FHOD3: variants seen among roughly 807,000 people sequenced by gnomAD.
FHOD3 encodes formin homology 2 domain containing 3.
A neutral mutation model predicts 173.0 loss-of-function variants in FHOD3; 90 were observed. The ratio of observed to expected loss-of-function variants is 0.52; its 90% CI spans 0.44 to 0.62. The LOEUF (loss-of-function observed/expected upper bound fraction) is 0.62. Ranked by LOEUF, FHOD3 falls within the 20% of genes least tolerant of loss-of-function variation. FHOD3 has a pLI of 0.00. For synonymous variants in FHOD3, 828 were observed against 823.0 expected (o/e 1.01, Z -0.10); for missense variants, 1,945 against 2,034.7 (o/e 0.96, Z 0.85).
chr18:36,392,890 A>G (rs1240097286), intron 3 of FHOD3, among the ~76,000 whole-genome samples: 1 of 152,242 alleles, frequency 6.6e-6, no homozygotes, highest in Admixed American at 6.5e-5. Flanking sequence ...AATTAGGATA[A>G]TGGACTGAGA....
chr18:36,428,756 T>C (rs1193184774), intron 3 of FHOD3, among the ~76,000 whole-genome samples: 3 of 152,208 alleles, frequency 2.0e-5, no homozygotes, highest in Admixed American at 2.0e-4. Flanking sequence ...GGACCATCAC[T>C]GACTATTTTT....
chr18:36,687,035 A>T, intron 15 of FHOD3, 93 bp from the exon 16 acceptor site: 1 of 924,818 alleles, frequency 1.1e-6, no homozygotes, highest in Non-Finnish European at 1.6e-6. Flanking sequence ...CCAGTCTTTC[A>T]TGATATACTG....
intron 5 of FHOD3, among the ~76,000 whole-genome samples, chr18:36,526,075 G>C (rs962393926): frequency 6.6e-6 from 1 of 152,220 alleles, no homozygotes; most frequent in African/African-American, 2.4e-5. Flanking sequence ...TCTTATCTCA[G>C]TGTTCTTTGC....
chr18:36,339,542 AGCAGGT>A (rs1451264944), intron 1 of FHOD3, among the ~76,000 whole-genome samples: 1 of 152,188 alleles, frequency 6.6e-6, no homozygotes, highest in Non-Finnish European at 1.5e-5. Context: ...GGGACAGTGG[AGCAGGT>A]GCTAGGGGCT....
Position 36,743,742 on chromosome 18 carries a change from AG to A in FHOD3, c.3880-289del, listed in dbSNP as rs1354994123. ...TAGACAACAACAGGCAAAGGGAGGA[AG>A]AAGTAGATAGGCAGATGTCAGAGCC... On this transcript the variant is annotated intron_variant, in intron 22 of 28. Coordinates refer to ENST00000590592, the MANE Select transcript of FHOD3 (RefSeq NM_001281740.3). 4.6e-5 allele frequency among the ~76,000 whole-genome samples: 7 copies of A among 152,332 alleles called. No individual in the cohort carries two copies. The East Asian group carries it at 1.4e-3, about 29-fold the overall frequency.
chr18:36,553,780 A>G (rs1041197385), intron 5 of FHOD3, among the ~76,000 whole-genome samples: 5 of 152,208 alleles, frequency 3.3e-5, no homozygotes, highest in East Asian at 1.9e-4. Flanking sequence ...AACTTAAACA[A>G]ATTTACAAGA....
rs573967535 is a variant in FHOD3 at position 36,511,770 on chromosome 18, G to A, written c.406-668G>A. Among the ~76,000 whole-genome samples the A allele has an allele frequency of 2.6e-5, 4 of 152,262 alleles. No homozygotes were observed. The East Asian group carries it at 5.8e-4, about 22-fold the overall frequency. On this transcript the variant is annotated intron_variant, in intron 4 of 28. Transcript: ENST00000590592. ...TGGAGACTTCTGTCTGAGAACCACC[G>A]GATGAGATGACCCCTGAAGTTTCTT...
At chr18:36,649,229 TTG>T in intron 10 of FHOD3, 85 bp from the exon 11 acceptor site, 1 of 832,286 alleles carries the variant, frequency 1.2e-6, no homozygotes, top group Non-Finnish European at 1.9e-6. Flanking sequence ...GTTGTTGTTT[TTG>T]CTTCATCTTC....
intron 25 of FHOD3, 65 bp downstream of exon 25, chr18:36,755,376 T>G: frequency 1.7e-5 from 9 of 535,080 alleles, no homozygotes; most frequent in African/African-American, 2.0e-5. Context: ...TCAGGAATCC[T>G]CCCCACAGTT....
At chr18:36,655,174 C>G (rs1181791188) in intron 13 of FHOD3, among the ~76,000 whole-genome samples, 1 of 149,432 alleles carries the variant, frequency 6.7e-6, no homozygotes, top group Non-Finnish European at 1.5e-5. Flanking sequence ...TTGTTGTTAT[C>G]TTTCACACAG....
chr18:36,506,573 A>T (rs1157996250), intron 4 of FHOD3, among the ~76,000 whole-genome samples: 2 of 152,232 alleles, frequency 1.3e-5, no homozygotes, highest in African/African-American at 2.4e-5. Flanking sequence ...TGGATATTGA[A>T]GTTTTTAACA....
chr18:36,656,846 A>G (rs1330308878), intron 13 of FHOD3, among the ~76,000 whole-genome samples: 1 of 152,110 alleles, frequency 6.6e-6, no homozygotes, highest in Non-Finnish European at 1.5e-5. Context: ...CCACATTTCT[A>G]CCTGGTTAAG....
chr18:36,500,783 G>C (rs2075959190), intron 3 of FHOD3, among the ~76,000 whole-genome samples: 1 of 152,200 alleles, frequency 6.6e-6, no homozygotes, highest in South Asian at 2.1e-4. Flanking sequence ...TGGTATCCTA[G>C]TGCCTCGAAC....
At chr18:36,735,288 T>C (rs959689643) in intron 20 of FHOD3, among the ~76,000 whole-genome samples, 1 of 152,204 alleles carries the variant, frequency 6.6e-6, no homozygotes, top group Non-Finnish European at 1.5e-5. Context: ...TGTCCACAGG[T>C]GCCCAGCTGC....
At chr18:36,679,386 C>T (rs1363303000) in intron 14 of FHOD3, among the ~76,000 whole-genome samples, 1 of 151,922 alleles carries the variant, frequency 6.6e-6, no homozygotes, top group African/African-American at 2.4e-5. Flanking sequence ...TATACACCTT[C>T]GTTTTCCTAT....
intron 1 of FHOD3, among the ~76,000 whole-genome samples, chr18:36,327,833 G>C (rs904176019): frequency 1.3e-5 from 2 of 152,344 alleles, no homozygotes. Context: ...TACAGTCTCT[G>C]TGGCAATGAC....
chr18:36,623,118 T>G (rs1192809726), intron 9 of FHOD3, among the ~76,000 whole-genome samples: 1 of 152,232 alleles, frequency 6.6e-6, no homozygotes, highest in African/African-American at 2.4e-5. Context: ...CTTGATAATT[T>G]TTCCAGATTT....
intron 3 of FHOD3, among the ~76,000 whole-genome samples, chr18:36,401,458 A>G (rs2048808333): frequency 6.6e-6 from 1 of 152,198 alleles, no homozygotes; most frequent in African/African-American, 2.4e-5. Context: ...ATGAACTAAG[A>G]CAGCCTGTCA....
chr18:36,636,540 C>A (rs190522178), intron 10 of FHOD3, among the ~76,000 whole-genome samples: 480 of 152,188 alleles, frequency 3.2e-3, no homozygotes, highest in Non-Finnish European at 5.7e-3. Flanking sequence ...CCCGAGAGAG[C>A]ATACTTCCCA....
Sources: gnomAD v4.1 joint callset for allele counts (sites outside exome capture counted in the v4.1 genomes callset) on GRCh38, gnomAD v4.1.1 for gene constraint, MANE v1.5 for transcripts, NCBI Gene and HGNC (gene_info 2026-07-23, HGNC 2026-07-21) for gene names.